The following ERBB4 variants were observed in gnomAD, a reference collection of about 807,000 sequenced individuals.
ERBB4 encodes erb-b2 receptor tyrosine kinase 4.
Under a neutral mutation model 158.0 loss-of-function variants are expected in ERBB4, and 42 were observed. That is an observed-to-expected ratio of 0.27 (90% CI 0.21 to 0.34). ERBB4 has a LOEUF of 0.34. Among genes scored for constraint, ERBB4 ranks in the 10% least tolerant of loss-of-function variants. The probability of loss-of-function intolerance (pLI) is 1.00; values close to 1 mark genes in which losing one functional copy is unlikely to be tolerated. For missense variants in ERBB4, 1,333 were observed against 1,624.1 expected, an observed-to-expected ratio of 0.82 and a Z score of 3.08; for synonymous variants, 583 against 558.7, an observed-to-expected ratio of 1.04 and a Z score of -0.61.
At chr2:211,605,194 T>C (rs773515082) in intron 19 of ERBB4, among the ~76,000 whole-genome samples, 7 of 152,100 alleles carry the variant, frequency 4.6e-5, no homozygotes, top group Admixed American at 6.6e-5. Flanking sequence ...AAAATCTAAA[T>C]CTAAAAGGGA....
At chr2:212,007,965 C>A (rs2076295196) in intron 2 of ERBB4, among the ~76,000 whole-genome samples, 1 of 151,948 alleles carries the variant, frequency 6.6e-6, no homozygotes, top group Non-Finnish European at 1.5e-5. Flanking sequence ...AAGGGCCTTA[C>A]ATATATTGGA....
At chr2:211,988,762 A>G (rs2081998588) in intron 2 of ERBB4, among the ~76,000 whole-genome samples, 1 of 152,014 alleles carries the variant, frequency 6.6e-6, no homozygotes, top group Admixed American at 6.6e-5. Flanking sequence ...ACTTCTCTTT[A>G]AATGTAACTA....
intron 16 of ERBB4, among the ~76,000 whole-genome samples, chr2:211,653,486 C>CA (rs1553603810): frequency 3.4e-5 from 5 of 148,470 alleles, no homozygotes; most frequent in African/African-American, 1.2e-4. Context: ...CGCCCCCCCC[C>CA]ACGCCCGCCC....
intron 3 of ERBB4, among the ~76,000 whole-genome samples, chr2:211,910,700 C>T (rs147095191): frequency 9.2e-5 from 14 of 152,034 alleles, no homozygotes; most frequent in South Asian, 2.1e-4. Flanking sequence ...ATATAACAAA[C>T]GGCATTTGTA....
At chr2:212,531,876 T>C (rs1284746853) in intron 1 of ERBB4, among the ~76,000 whole-genome samples, 2 of 152,196 alleles carry the variant, frequency 1.3e-5, no homozygotes, top group Non-Finnish European at 2.9e-5. Flanking sequence ...ACGATGTCTT[T>C]AAAAAGTTGC....
chr2:212,461,467 C>T (rs1410810721), intron 1 of ERBB4, among the ~76,000 whole-genome samples: 2 of 152,084 alleles, frequency 1.3e-5, no homozygotes, highest in Non-Finnish European at 2.9e-5. Flanking sequence ...TTTGTTTTGG[C>T]CAATTTCTCC....
intron 3 of ERBB4, among the ~76,000 whole-genome samples, chr2:211,795,252 T>A (rs1016031184): frequency 6.6e-6 from 1 of 151,848 alleles, no homozygotes; most frequent in African/African-American, 2.4e-5. Context: ...GTTGACTGGA[T>A]AAAATAAAGC....
chr2:212,162,136 A>G (rs1325856363), intron 1 of ERBB4, among the ~76,000 whole-genome samples: 1 of 151,942 alleles, frequency 6.6e-6, no homozygotes, highest in Non-Finnish European at 1.5e-5. Context: ...GACATATGCA[A>G]CAATATTCAT....
chr2:212,142,071 G>A (rs1007519449), intron 1 of ERBB4, among the ~76,000 whole-genome samples: 1 of 152,064 alleles, frequency 6.6e-6, no homozygotes, highest in African/African-American at 2.4e-5. Context: ...CACCTTACTT[G>A]TCTTTGAACA....
chr2:212,276,551 G>GT (rs1464747772), intron 1 of ERBB4, among the ~76,000 whole-genome samples: 1 of 151,730 alleles, frequency 6.6e-6, no homozygotes, highest in Non-Finnish European at 1.5e-5. Context: ...TGAGAAGAAA[G>GT]TTTTTTGCAA....
intron 20 of ERBB4, among the ~76,000 whole-genome samples, chr2:211,516,600 T>C (rs553192020): frequency 1.3e-5 from 2 of 152,020 alleles, no homozygotes; most frequent in South Asian, 4.2e-4. Flanking sequence ...CTCCCAGAGT[T>C]CTGGGATTAC....
At chr2:211,485,319 G>A (rs1341686065) in intron 20 of ERBB4, among the ~76,000 whole-genome samples, 2 of 152,144 alleles carry the variant, frequency 1.3e-5, no homozygotes, top group African/African-American at 4.8e-5. Flanking sequence ...GTAACAGTCT[G>A]CTTTCTGAGA....
At chr2:212,028,790 C>G (rs1438376886) in intron 2 of ERBB4, among the ~76,000 whole-genome samples, 1 of 152,040 alleles carries the variant, frequency 6.6e-6, no homozygotes, top group African/African-American at 2.4e-5. Flanking sequence ...TGAGAGCATT[C>G]ATTTTTATAT....
At chr2:212,508,408 T>C (rs1691312702) in intron 1 of ERBB4, among the ~76,000 whole-genome samples, 1 of 152,110 alleles carries the variant, frequency 6.6e-6, no homozygotes, top group Non-Finnish European at 1.5e-5. Context: ...TAAATATAAA[T>C]TACTTATGGG....
At chr2:211,729,018 T>C (rs1467383249) in intron 5 of ERBB4, among the ~76,000 whole-genome samples, 3 of 151,808 alleles carry the variant, frequency 2.0e-5, no homozygotes, top group African/African-American at 7.2e-5. Context: ...ACAAATATAA[T>C]CCAATGTAGT....
intron 1 of ERBB4, among the ~76,000 whole-genome samples, chr2:212,389,491 C>A (rs2090785355): frequency 6.6e-6 from 1 of 151,894 alleles, no homozygotes; most frequent in African/African-American, 2.4e-5. Context: ...CATAAGAAAG[C>A]CTGAAAAATT....
intron 1 of ERBB4, among the ~76,000 whole-genome samples, chr2:212,483,620 TAA>T (rs1689822102): frequency 6.6e-6 from 1 of 152,242 alleles, no homozygotes; most frequent in African/African-American, 2.4e-5. Flanking sequence ...TCTCTTTGTC[TAA>T]AGAGAATATC....
intron 19 of ERBB4, among the ~76,000 whole-genome samples, chr2:211,595,952 C>T (rs2068619188): frequency 6.6e-6 from 1 of 151,930 alleles, no homozygotes; most frequent in South Asian, 2.1e-4. Context: ...TTAATTTATG[C>T]CAACAATATC....
intron 3 of ERBB4, among the ~76,000 whole-genome samples, chr2:211,930,048 A>T (rs1307469574): frequency 6.6e-6 from 1 of 152,086 alleles, no homozygotes; most frequent in Non-Finnish European, 1.5e-5. Flanking sequence ...ACATGTATGG[A>T]TTTATTATTA....
Sources: allele counts gnomAD v4.1 joint callset (sites outside exome capture counted in the v4.1 genomes callset), GRCh38; gene constraint gnomAD v4.1.1; transcripts MANE v1.5; gene names NCBI Gene and HGNC (gene_info 2026-07-23, HGNC 2026-07-21).